GON4L: variants seen among roughly 807,000 people sequenced by gnomAD.
GON4L encodes the protein gon-4 like.
GON4L carries 87 observed loss-of-function variants against 211.8 expected under a neutral mutation model. The ratio of observed to expected loss-of-function variants is 0.41; its 90% confidence interval spans 0.35 to 0.49. The LOEUF (loss-of-function observed/expected upper bound fraction) is 0.49, where lower values mean the gene tolerates loss of function less well. Ranked by LOEUF, GON4L falls within the 20% of genes least tolerant of loss-of-function variation. The pLI, the probability that GON4L is intolerant of heterozygous loss-of-function variation, is 0.15. For synonymous variants in GON4L, 875 were observed against 962.6 expected (o/e 0.91, Z 1.68); for missense variants, 2,155 against 2,659.5 (o/e 0.81, Z 4.17).
intron 2 of GON4L, among the ~76,000 whole-genome samples, chr1:155,850,347 G>A (rs1181014061): frequency 5.3e-5 from 8 of 151,990 alleles, no homozygotes; most frequent in Admixed American, 3.3e-4. Context: ...AAAAAAAACC[G>A]CTATTCCTGT....
At chr1:155,825,566 T>C (rs1285134249) in intron 3 of GON4L, among the ~76,000 whole-genome samples, 2 of 104,204 alleles carry the variant, frequency 1.9e-5, no homozygotes, top group African/African-American at 6.3e-5. Context: ...AGCAAGACTC[T>C]GTCTCAAAAC....
chr1:155,804,731 G>A (rs944038457), intron 11 of GON4L, among the ~76,000 whole-genome samples: 4 of 151,630 alleles, frequency 2.6e-5, no homozygotes, highest in East Asian at 1.9e-4. Context: ...GCAATGAACC[G>A]TGACTGCAAC....
In GON4L at chr1:155,766,642, A is replaced by G. The variant is rs534782621; in HGVS notation, c.2831T>C (p.Met944Thr). 22 of 1,614,042 alleles carry G rather than the reference A, an allele frequency of 1.4e-5. No homozygotes were observed. The East Asian group carries it at 3.6e-4, about 26-fold the overall frequency. ...TGAGTTGATCTCAGTGGTTCCAGTCATATTTCCTACCTCTCTAGCACCATC... is the reference window on the plus strand; with the variant it reads ...TGAGTTGATCTCAGTGGTTCCAGTCGTATTTCCTACCTCTCTAGCACCATC... ...MADGAREVGNMTGTTEINSDR... is the reference protein window; with the variant it reads ...MADGAREVGNTTGTTEINSDR... Residue 944 changes from methionine to threonine, a missense_variant, in exon 21 of 32, where the codon ATG (methionine) becomes ACG (threonine). Around this residue, in one of 6 missense-constraint regions of GON4L, gnomAD observed 551 missense variants for 854.0 expected, o/e 0.65. Transcript: ENST00000368331.
chr1:155,805,221 C>CTTA, intron 10 of GON4L, 80 bp from the exon 11 acceptor site: 1 of 938,462 alleles, frequency 1.1e-6, no homozygotes, highest in Non-Finnish European at 1.8e-6. Flanking sequence ...CTCATCTTAG[C>CTTA]TTAAGTAACA....
chr1:155,817,939 AAAAG>A (rs1370044122), intron 6 of GON4L, among the ~76,000 whole-genome samples: 2 of 151,534 alleles, frequency 1.3e-5, no homozygotes, highest in African/African-American at 4.8e-5. Context: ...AAAAAAAAAA[AAAAG>A]AAAGAATTAA....
chr1:155,781,923 A>G (rs961790656), intron 14 of GON4L, among the ~76,000 whole-genome samples: 7 of 151,734 alleles, frequency 4.6e-5, no homozygotes, highest in Non-Finnish European at 4.4e-5. Context: ...CACCCAGCTA[A>G]TTTTTGTATT....
intron 2 of GON4L, among the ~76,000 whole-genome samples, chr1:155,829,068 C>T (rs1669497593): frequency 6.6e-6 from 1 of 152,080 alleles, no homozygotes; most frequent in Non-Finnish European, 1.5e-5. Flanking sequence ...AGTCTTTATA[C>T]TTGGGTCTCA....
In GON4L at chr1:155,766,386, T is replaced by A; in HGVS notation, c.3087A>T (p.Glu1029Asp). ...GGAGCACCATTTTGCTCGGAGGGGC[T>A]TCTGAATGAGTTGATCGGGCTGGTG... ...GKTPARSTHS[E>D]APPSKMVLRI... is the part of the protein sequence containing the mutation. The change falls in exon 21 of 32, where the codon GAA (glutamate) becomes GAT (aspartate). Residue 1029 changes from glutamate to aspartate, a missense_variant. Around this residue, in one of 6 missense-constraint regions of GON4L, gnomAD observed 615 missense variants for 625.7 expected, o/e 0.98. Coordinates refer to ENST00000368331, the MANE Select transcript of GON4L (RefSeq NM_001282860.2). 6.2e-7 allele frequency: 1 copy of A among 1,614,144 alleles called. No homozygotes were observed. The highest frequency in any genetic ancestry group is 8.5e-7 in the Non-Finnish European group (1 of 1,180,026).
At chr1:155,758,548 G>A (rs1326168651) in intron 24 of GON4L, among the ~76,000 whole-genome samples, 1 of 151,860 alleles carries the variant, frequency 6.6e-6, no homozygotes, top group Non-Finnish European at 1.5e-5. Flanking sequence ...GAGGCAGGAG[G>A]ATCCCAGGGG....
chr1:155,804,286 C>T lies in GON4L; in HGVS notation c.1645+663G>A, dbSNP rs566605932. 5.0e-4 allele frequency among the ~76,000 whole-genome samples: 76 copies of T among 152,112 alleles called. No homozygotes were observed. The South Asian group carries it at 0.012, about 25-fold the overall frequency. ...TACTTGGGAGGCTGAGACCTGAGGA[C>T]GATCTCTTGAGCCCAGGAGTTTAAG... On this transcript the variant is annotated intron_variant, in intron 11 of 31. Transcript: ENST00000368331.
intron 14 of GON4L, among the ~76,000 whole-genome samples, chr1:155,783,297 C>T (rs1227595152): frequency 1.3e-5 from 2 of 152,140 alleles, no homozygotes; most frequent in Non-Finnish European, 2.9e-5. Context: ...CTTAGTAATG[C>T]TGTTAGGTTC....
intron 21 of GON4L, among the ~76,000 whole-genome samples, chr1:155,764,037 A>G (rs1662145044): frequency 6.6e-6 from 1 of 151,636 alleles, no homozygotes; most frequent in Admixed American, 6.6e-5. Flanking sequence ...AAAAAAACAC[A>G]GAAAAAACCA....
chr1:155,803,831 T>C (rs946260775), intron 11 of GON4L, among the ~76,000 whole-genome samples: 4 of 151,850 alleles, frequency 2.6e-5, no homozygotes, highest in Non-Finnish European at 5.9e-5. Flanking sequence ...AATCACGGAG[T>C]GTTTATGAAC....
chr1:155,788,081 T>C (rs990585973), intron 12 of GON4L, among the ~76,000 whole-genome samples: 1 of 152,208 alleles, frequency 6.6e-6, no homozygotes, highest in African/African-American at 2.4e-5. Context: ...AACCTCCACC[T>C]TCCGGCTTCA....
At chr1:155,776,577 ATCTCTC>A in intron 15 of GON4L, 96 bp from the exon 16 acceptor site, 2 of 974,422 alleles carry the variant, frequency 2.1e-6, no homozygotes, top group Non-Finnish European at 3.3e-6. Context: ...TGGAGAAAGG[ATCTCTC>A]TCTGTCACTC....
intron 4 of GON4L, among the ~76,000 whole-genome samples, chr1:155,821,763 G>T (rs540184098): frequency 6.6e-6 from 1 of 152,286 alleles, no homozygotes; most frequent in South Asian, 2.1e-4. Flanking sequence ...AGCAGCAAAT[G>T]AACCAATCTC....
intron 12 of GON4L, among the ~76,000 whole-genome samples, chr1:155,791,177 G>A (rs995605852): frequency 2.6e-5 from 4 of 151,932 alleles, no homozygotes; most frequent in South Asian, 2.1e-4. Context: ...CAGGAGAACC[G>A]CTTGAACCTG....
chr1:155,763,633 T>C (rs774708053), intron 21 of GON4L, 69 bp from the exon 22 acceptor site: 1 of 1,304,762 alleles, frequency 7.7e-7, no homozygotes, highest in Non-Finnish European at 1.0e-6. Flanking sequence ...AACACAAAGC[T>C]ATATCAGGAT....
At chr1:155,828,146 A>C (rs1669389785) in intron 2 of GON4L, among the ~76,000 whole-genome samples, 1 of 91,522 alleles carries the variant, frequency 1.1e-5, no homozygotes, top group Non-Finnish European at 2.4e-5. Flanking sequence ...TGTCAGAGCA[A>C]GACACTGTCA....
Sources: allele counts gnomAD v4.1 joint callset (sites outside exome capture counted in the v4.1 genomes callset), GRCh38; gene constraint gnomAD v4.1.1; regional missense constraint gnomAD v4.1.1; transcripts MANE v1.5; gene names NCBI Gene and HGNC (gene_info 2026-07-23, HGNC 2026-07-21).